Variants in PIK3R1 observed in about 807,000 individuals in gnomAD.
PIK3R1 encodes phosphoinositide-3-kinase regulatory subunit 1, also known as phosphatidylinositol 3-kinase regulatory subunit alpha.
A neutral mutation model predicts 98.0 loss-of-function variants in PIK3R1; 29 were observed. That is an observed-to-expected ratio of 0.30 (90% confidence interval 0.22 to 0.40). PIK3R1 has a LOEUF of 0.40. Among genes scored for constraint, PIK3R1 ranks in the 10% least tolerant of loss-of-function variants. The probability of loss-of-function intolerance (pLI) is 1.00; values close to 1 mark genes in which losing one functional copy is unlikely to be tolerated. For synonymous variants in PIK3R1, 282 were observed against 311.8 expected, an observed-to-expected ratio of 0.90 and a Z score of 1.01; for missense variants, 596 against 872.7, an observed-to-expected ratio of 0.68 and a Z score of 3.99.
chr5:68,271,504 C>G (rs537987482), intron 2 of PIK3R1, among the ~76,000 whole-genome samples: 2 of 152,192 alleles, frequency 1.3e-5, no homozygotes, highest in Non-Finnish European at 2.9e-5. Context: ...AAAATTTGCC[C>G]TTGTGCAGGC....
intron 6 of PIK3R1, 63 bp downstream of exon 6, chr5:68,280,792 A>T (rs1162295534): frequency 2.1e-6 from 3 of 1,418,926 alleles, no homozygotes; most frequent in East Asian, 4.6e-5. Context: ...TGGATTGGTC[A>T]TGAAAATGTA....
intron 2 of PIK3R1, among the ~76,000 whole-genome samples, chr5:68,231,996 G>T (rs1435874216): frequency 6.6e-6 from 1 of 152,080 alleles, no homozygotes; most frequent in African/African-American, 2.4e-5. Flanking sequence ...AGTTCATCAG[G>T]ACATTATGGA....
chr5:68,284,966 TCTTAA>T (rs1386389410), intron 7 of PIK3R1, among the ~76,000 whole-genome samples: 19 of 152,326 alleles, frequency 1.2e-4, no homozygotes, highest in Middle Eastern at 3.4e-3. Context: ...TACTAAAAAG[TCTTAA>T]CTTGTCGTTT....
intron 4 of PIK3R1, among the ~76,000 whole-genome samples, chr5:68,277,001 T>C (rs564615302): frequency 1.8e-4 from 28 of 152,098 alleles, no homozygotes; most frequent in Non-Finnish European, 3.5e-4. Context: ...AAGTGTCTTG[T>C]TAGAGGGGTG....
At chr5:68,254,836 CTTT>C (rs66853734) in intron 2 of PIK3R1, among the ~76,000 whole-genome samples, 1 of 148,460 alleles carries the variant, frequency 6.7e-6, no homozygotes. Flanking sequence ...TTCTTTTTTT[CTTT>C]TTTTTTTTTA....
intron 2 of PIK3R1, among the ~76,000 whole-genome samples, chr5:68,228,994 T>C (rs1431003746): frequency 6.6e-6 from 1 of 152,172 alleles, no homozygotes; most frequent in Non-Finnish European, 1.5e-5. Context: ...TTTTCTTTAA[T>C]ACATGGAAAG....
intron 7 of PIK3R1, among the ~76,000 whole-genome samples, chr5:68,282,937 G>A (rs34307): frequency 0.87 from 132,196 of 152,304 alleles, 57,822 homozygotes; most frequent in African/African-American, 0.97. Flanking sequence ...CTGTTTTAGT[G>A]TCTCTCATGT....
intron 4 of PIK3R1, among the ~76,000 whole-genome samples, chr5:68,277,888 C>A (rs1355841912): frequency 6.6e-6 from 1 of 152,184 alleles, no homozygotes; most frequent in African/African-American, 2.4e-5. Flanking sequence ...ATTCTTAACA[C>A]TGTCATTAGT....
At position 68,226,460 on chromosome 5, in the gene PIK3R1, G is replaced by A. The variant is rs1051303479; in HGVS notation, c.-216G>A. On this transcript the variant is annotated 5_prime_UTR_variant, in exon 2 of 16. Coordinates refer to ENST00000521381, the MANE Select transcript of PIK3R1 (RefSeq NM_181523.3). ...GACTGTGGCACGCAGAGGAAGTGGA[G>A]CCCTGTCTTCGGTCACACCATTGAT... 1.9e-6 allele frequency: 1 copy of A among 519,636 alleles called. No homozygotes were observed. The highest frequency in any genetic ancestry group is 3.5e-5 in the South Asian group (1 of 28,776). 32.2% of individuals were successfully genotyped at this position (519,636 alleles called of 1,614,324 possible).
chr5:68,228,182 G>T (rs183584492), intron 2 of PIK3R1, among the ~76,000 whole-genome samples: 1 of 152,330 alleles, frequency 6.6e-6, no homozygotes, highest in African/African-American at 2.4e-5. Flanking sequence ...ATTTCTGGAA[G>T]AGATTCTGAT....
chr5:68,245,407 G>A (rs1466844850), intron 2 of PIK3R1, among the ~76,000 whole-genome samples: 1 of 152,186 alleles, frequency 6.6e-6, no homozygotes, highest in Non-Finnish European at 1.5e-5. Flanking sequence ...TGTTGCTGAT[G>A]TTATAGAATC....
At chr5:68,274,260 C>T (rs1746481534) in intron 4 of PIK3R1, among the ~76,000 whole-genome samples, 1 of 152,192 alleles carries the variant, frequency 6.6e-6, no homozygotes, top group African/African-American at 2.4e-5. Flanking sequence ...TCATAGCCAT[C>T]AGGCCCTGGG....
At chr5:68,295,521 G>C (rs753566567) in intron 14 of PIK3R1, 33 bp downstream of exon 14, 19 of 1,581,524 alleles carry the variant, frequency 1.2e-5, no homozygotes, top group Non-Finnish European at 1.7e-5. Flanking sequence ...GATAGCAGAA[G>C]ATTTTTCTCA....
At chr5:68,278,654 A>G (rs538636663) in intron 4 of PIK3R1, among the ~76,000 whole-genome samples, 2 of 152,198 alleles carry the variant, frequency 1.3e-5, no homozygotes, top group Non-Finnish European at 2.9e-5. Context: ...TAAAACGCAG[A>G]AACTTGGCCA....
intron 11 of PIK3R1, 39 bp from the exon 12 acceptor site, chr5:68,294,497 T>G (rs757996785): frequency 2.0e-6 from 3 of 1,516,400 alleles, no homozygotes; most frequent in Non-Finnish European, 2.7e-6. Context: ...GATTGTTCTA[T>G]GAAAGGTATG....
intron 2 of PIK3R1, among the ~76,000 whole-genome samples, chr5:68,242,032 C>G (rs1744890562): frequency 6.6e-6 from 1 of 152,212 alleles, no homozygotes; most frequent in South Asian, 2.1e-4. Context: ...TAAAATGCAT[C>G]AACTTCTTTC....
intron 2 of PIK3R1, among the ~76,000 whole-genome samples, chr5:68,270,718 A>T (rs1746320037): frequency 6.6e-6 from 1 of 152,108 alleles, no homozygotes; most frequent in African/African-American, 2.4e-5. Flanking sequence ...TTAATAAATA[A>T]CACTTTTCTA....
Position 68,222,349 on chromosome 5 carries a change from A to T in PIK3R1, c.-386-3941A>T, listed in dbSNP as rs77315081. 4.3e-3 allele frequency among the ~76,000 whole-genome samples: 649 copies of T among 152,312 alleles called. 7 individuals carry two copies. Among genetic ancestry groups the T allele is most frequent in the African/African-American group, 9.6e-3 (399 of 41,566 alleles). On this transcript the variant is annotated intron_variant, in intron 1 of 15. Coordinates refer to ENST00000521381, the MANE Select transcript of PIK3R1 (RefSeq NM_181523.3). The stretch of plus-strand genomic sequence containing the variant: ...AGAAAAGAGAACTTCCCAGTCCTCT[A>T]GATGTGACAGTCCTTGTGGCAGTGC...
intron 2 of PIK3R1, among the ~76,000 whole-genome samples, chr5:68,272,657 C>T (rs988774153): frequency 6.6e-6 from 1 of 152,088 alleles, no homozygotes; most frequent in African/African-American, 2.4e-5. Flanking sequence ...GGTTAAAACG[C>T]ATGCAAAAAG....
Sources: gnomAD v4.1 joint callset for allele counts (sites outside exome capture counted in the v4.1 genomes callset) on GRCh38, gnomAD v4.1.1 for gene constraint, MANE v1.5 for transcripts, NCBI Gene and HGNC (gene_info 2026-07-23, HGNC 2026-07-21) for gene names.